Variants in TLE3 observed in about 807,000 individuals in gnomAD.
TLE3 encodes transducin-like enhancer protein 3.
TLE3 carries 14 observed loss-of-function variants against 93.0 expected under a neutral mutation model. The ratio of observed to expected loss-of-function variants is 0.15; its 90% confidence interval spans 0.10 to 0.24. The LOEUF is 0.24. Among genes scored for constraint, TLE3 ranks in the 10% least tolerant of loss-of-function variants. TLE3 has a pLI of 1.00. For synonymous variants in TLE3, 451 were observed against 425.0 expected, an observed-to-expected ratio of 1.06 and a Z score of -0.75; for missense variants, 693 against 1,046.6, an observed-to-expected ratio of 0.66 and a Z score of 4.66.
Position 70,054,635 on chromosome 15 carries a change from C to T in TLE3, c.1629G>A (p.Thr543=), listed in dbSNP as rs371741462. The T allele has an allele frequency of 1.2e-5, 19 of 1,609,212 alleles. No individual in the cohort carries two copies. The highest frequency in any genetic ancestry group is 1.7e-4 in the Middle Eastern group (1 of 6,058). Reference sequence around the variant, plus strand: ...TGCTGGCCTCGCCGCCCACGATGAGCGTGCGCCCATCAGGGAGCAGCTTGC... The same window carrying T: ...TGCTGGCCTCGCCGCCCACGATGAGTGTGCGCCCATCAGGGAGCAGCTTGC... The part of the protein sequence containing the change: ...RSCKLLPDGR[T]LIVGGEASTL... Residue 543 remains threonine (T), a synonymous_variant, in exon 16 of 20, where the codon ACG becomes ACA. Coordinates refer to ENST00000451782, the MANE Select transcript of TLE3 (RefSeq NM_001105192.3).
rs758010180 is a variant in TLE3, at chr15:70,094,580, A to C, written c.190-4T>G. ...AGCCATAGGACATCTCATAGTACTA[A>C]AAGTAAAAAGAATGGCTATTAACAG... is the stretch of plus-strand genomic sequence containing the variant. On this transcript the variant is annotated splice_region_variant and splice_polypyrimidine_tract_variant and intron_variant, in intron 3 of 19. Transcript: ENST00000451782. The C allele has an allele frequency of 1.9e-5, 29 of 1,549,598 alleles. No individual in the cohort carries two copies. The highest frequency in any genetic ancestry group is 2.5e-5 in the Non-Finnish European group (29 of 1,147,430).
chr15:70,065,979 G>GGCCCCC, intron 7 of TLE3, 35 bp downstream of exon 7: 24 of 1,089,078 alleles, frequency 2.2e-5, no homozygotes, highest in Non-Finnish European at 2.8e-5. Context: ...GCCCACCCCT[G>GGCCCCC]CCCCGCCCCA....
At chr15:70,056,981 G>T (rs2056091295) in intron 13 of TLE3, among the ~76,000 whole-genome samples, 1 of 152,168 alleles carries the variant, frequency 6.6e-6, no homozygotes, top group South Asian at 2.1e-4. Context: ...TCGATTTCCT[G>T]ACCCCAGGTG....
chr15:70,065,967 ATGCCCACCCC>A, intron 7 of TLE3, 37 bp downstream of exon 7: 1 of 1,478,110 alleles, frequency 6.8e-7, no homozygotes, highest in Non-Finnish European at 9.4e-7. Flanking sequence ...ATGAGCGCCC[ATGCCCACCCC>A]TGCCCCGCCC....
At position 70,049,764 on chromosome 15, in the gene TLE3, G is replaced by A. The variant is rs1202123786; in HGVS notation, c.*333C>T. 2 of 239,978 alleles carry A rather than the reference G, an allele frequency of 8.3e-6. No individual in the cohort carries two copies. Among genetic ancestry groups the A allele is most frequent in the African/African-American group, 2.2e-5 (1 of 45,588 alleles). The allele number at this position is 239,978 out of a possible 1,614,324, so 14.9% of individuals were successfully genotyped here. A position where few individuals can be genotyped will look rare whatever the true frequency, so the allele number is the denominator to read the frequency against. ...ACCCAAGGTGAGGGACAGGGCAAAA[G>A]AAAAGGGAAGAACAAACAGAGACTC... is the stretch of plus-strand genomic sequence containing the variant. On this transcript the variant is annotated 3_prime_UTR_variant, in exon 20 of 20. Transcript: ENST00000451782.
rs1458200330 is a variant in TLE3 at position 70,097,684 on chromosome 15, G to A, written c.-886C>T. On this transcript the variant is annotated 5_prime_UTR_variant, in exon 1 of 20. Coordinates refer to ENST00000451782, the MANE Select transcript of TLE3 (RefSeq NM_001105192.3). ...GGCAGGAGAGCGCTGGAGGGGAGAC[G>A]CAGCCCGAGACCGGGGAGCTCTACG... The A allele has an allele frequency of 1.0e-5, 4 of 397,218 alleles. No individual in the cohort carries two copies. The highest frequency in any genetic ancestry group is 1.8e-5 in the Non-Finnish European group (4 of 225,134). The allele number at this position is 397,218 out of a possible 1,614,324, so 24.6% of individuals were successfully genotyped here. A position where few individuals can be genotyped will look rare whatever the true frequency, so the allele number is the denominator to read the frequency against.
At chr15:70,069,620 A>G (rs905211985) in intron 6 of TLE3, among the ~76,000 whole-genome samples, 25 of 152,238 alleles carry the variant, frequency 1.6e-4, no homozygotes, top group Non-Finnish European at 3.5e-4. Flanking sequence ...GGTGGTTTGA[A>G]GGCACAGCAA....
Position 70,076,158 on chromosome 15 carries a change from T to C in TLE3, c.235A>G (p.Thr79Ala), listed in dbSNP as rs2057432025. The C allele has an allele frequency of 6.2e-7, 1 of 1,613,872 alleles. No homozygotes were observed. The highest frequency in any genetic ancestry group is 1.1e-5 in the South Asian group (1 of 91,088). Residue 79 changes from threonine to alanine, a missense_variant and splice_region_variant, in exon 5 of 20, where the codon ACA becomes GCA. Physicochemically the swap from Thr to Ala is moderately conservative, Grantham distance 58. Coordinates refer to ENST00000451782, the MANE Select transcript of TLE3 (RefSeq NM_001105192.3). ...YGLNIEMHKQ[T>A]EIAKRLNTIL... Reference sequence around the variant, plus strand: ...GTGTTCAGTCTCTTCGCAATCTCTGTCTGCAAAGGCAAGGAGACCACATGA... The same window carrying C: ...GTGTTCAGTCTCTTCGCAATCTCTGCCTGCAAAGGCAAGGAGACCACATGA...
At chr15:70,079,654 G>C (rs1029851054) in intron 4 of TLE3, among the ~76,000 whole-genome samples, 3 of 151,718 alleles carry the variant, frequency 2.0e-5, no homozygotes, top group Non-Finnish European at 4.4e-5. Context: ...AAAGCTGTTC[G>C]CTCAACATTT....
Position 70,058,800 on chromosome 15 carries a change from G to T in TLE3, c.781C>A (p.Arg261=), listed in dbSNP as rs779678735. ...GGAGGGGAGTGTGCCGGGCTGACCC[G>T]GGGCGTTGCGGGGTCCTGAAAACAC... ...DVSNEDPATP[R]VSPAHSPPEN... Residue 261 remains arginine, a synonymous_variant, in exon 11 of 20, where the codon CGG becomes AGG. Transcript: ENST00000451782. The surrounding 1 kb of genome is among the most constrained non-coding windows in gnomAD (Gnocchi z 4.1). 6.3e-7 allele frequency: 1 copy of T among 1,583,482 alleles called. No homozygotes were observed. The highest frequency in any genetic ancestry group is 8.6e-7 in the Non-Finnish European group (1 of 1,167,050).
chr15:70,086,394 G>A (rs1427564899), intron 4 of TLE3, among the ~76,000 whole-genome samples: 1 of 152,226 alleles, frequency 6.6e-6, no homozygotes, highest in Admixed American at 6.5e-5. Flanking sequence ...TAGCCCAAGG[G>A]AAAGATTTGG....
chr15:70,092,922 C>T (rs1023648958), intron 4 of TLE3, among the ~76,000 whole-genome samples: 2 of 152,034 alleles, frequency 1.3e-5, no homozygotes, highest in Non-Finnish European at 2.9e-5. Context: ...GTGCAATTAC[C>T]CTCTTTAAAC....
At chr15:70,063,927 C>A (rs1049198878) in intron 8 of TLE3, among the ~76,000 whole-genome samples, 5 of 152,172 alleles carry the variant, frequency 3.3e-5, no homozygotes, top group Admixed American at 3.3e-4. Flanking sequence ...ATACAGGAGG[C>A]ATCCTAGCAG....
At chr15:70,081,780 T>C (rs2057791428) in intron 4 of TLE3, among the ~76,000 whole-genome samples, 1 of 152,166 alleles carries the variant, frequency 6.6e-6, no homozygotes. Flanking sequence ...TTTGCGGATG[T>C]GTGTGAAAGA....
In TLE3 at chr15:70,058,963, G is replaced by C. The variant is rs1225904170; in HGVS notation, c.766-148C>G. On this transcript the variant is annotated intron_variant, in intron 10 of 19. Coordinates refer to ENST00000451782, the MANE Select transcript of TLE3 (RefSeq NM_001105192.3). The surrounding 1 kb of genome is among the most constrained non-coding windows in gnomAD (Gnocchi z 4.1). ...GGGGCCCCACAGTGAGGAAAAACTA[G>C]CTCTTAACCATCTGGTCTGACTGAG... The C allele has an allele frequency of 2.0e-6, 2 of 1,009,452 alleles. No individual in the cohort carries two copies. Among genetic ancestry groups the C allele is most frequent in the East Asian group, 5.5e-5 (2 of 36,250 alleles). The allele number at this position is 1,009,452 out of a possible 1,614,324, so 62.5% of individuals were successfully genotyped here. A position where few individuals can be genotyped will look rare whatever the true frequency, so the allele number is the denominator to read the frequency against.
chr15:70,077,250 G>A (rs966310423), intron 4 of TLE3, among the ~76,000 whole-genome samples: 2 of 152,192 alleles, frequency 1.3e-5, no homozygotes, highest in Admixed American at 6.5e-5. Flanking sequence ...GGTTAACTGA[G>A]TCCAGATAGA....
At chr15:70,068,870 C>G (rs889068536) in intron 6 of TLE3, among the ~76,000 whole-genome samples, 1 of 152,190 alleles carries the variant, frequency 6.6e-6, no homozygotes, top group Non-Finnish European at 1.5e-5. Flanking sequence ...TTTCTCTGTT[C>G]TAAGAGCTCT....
chr15:70,075,184 A>G (rs761797737), intron 5 of TLE3, among the ~76,000 whole-genome samples: 7 of 152,248 alleles, frequency 4.6e-5, no homozygotes, highest in Non-Finnish European at 7.3e-5. Flanking sequence ...AATGAACCCT[A>G]ATGTAAACTA....
At chr15:70,060,816 C>G (rs888163604) in intron 8 of TLE3, 167 bp from the exon 9 acceptor site, 1 of 1,170,810 alleles carries the variant, frequency 8.5e-7, no homozygotes, top group Non-Finnish European at 1.2e-6. Context: ...GCCAGGGAAG[C>G]CTTCCCCACT....
Sources: gnomAD v4.1 joint callset for allele counts (sites outside exome capture counted in the v4.1 genomes callset) on GRCh38, gnomAD v4.1.1 for gene constraint, Gnocchi (gnomAD v3.1) non-coding constraint, MANE v1.5 for transcripts, NCBI Gene and HGNC (gene_info 2026-07-23, HGNC 2026-07-21) for gene names.